BCAS3: variants seen among roughly 807,000 people sequenced by gnomAD.
The protein encoded by BCAS3 is BCAS3 microtubule associated cell migration factor.
Under a neutral mutation model 116.1 loss-of-function variants are expected in BCAS3, and 53 were observed. The ratio of observed to expected loss-of-function variants is 0.46; its 90% CI spans 0.37 to 0.57. The LOEUF is 0.57. Ranked by LOEUF, BCAS3 falls within the 20% of genes least tolerant of loss-of-function variation. The pLI, the probability that BCAS3 is intolerant of heterozygous loss-of-function variation, is 0.00. For missense variants in BCAS3, 917 were observed against 1,165.4 expected (o/e 0.79, Z 3.10); for synonymous variants, 391 against 408.2 (o/e 0.96, Z 0.51).
chr17:61,265,385 C>T lies in BCAS3; in HGVS notation c.2426-102942C>T, dbSNP rs1196964539. 1.3e-5 allele frequency among the ~76,000 whole-genome samples: 2 copies of T among 148,766 alleles called. No individual in the cohort carries two copies. The highest frequency in any genetic ancestry group is 3.0e-5 in the Non-Finnish European group (2 of 67,454). ...CACCATTGCACTCCAGCCTGGGTAA[C>T]AAGAGTGAAACTCTGTCTCAAGAAA... On this transcript the variant is annotated intron_variant, in intron 22 of 23. Coordinates refer to ENST00000407086, the MANE Select transcript of BCAS3 (RefSeq NM_017679.5). The surrounding 1 kb of genome is among the most constrained non-coding windows in gnomAD (Gnocchi z 4.3).
intron 22 of BCAS3, among the ~76,000 whole-genome samples, chr17:61,176,651 A>G (rs2079170272): frequency 6.6e-6 from 1 of 151,798 alleles, no homozygotes; most frequent in African/African-American, 2.4e-5. Context: ...TCCACCTCCT[A>G]GGCTCAAGTG....
At chr17:61,137,890 T>C (rs2076728018) in intron 22 of BCAS3, among the ~76,000 whole-genome samples, 1 of 152,238 alleles carries the variant, frequency 6.6e-6, no homozygotes, top group Admixed American at 6.5e-5. Context: ...GGTGTTTCCT[T>C]TGAGTCCACT....
Position 61,084,711 on chromosome 17 carries a change from C to G in BCAS3, c.2425+147C>G. ...TGTGCATTTTAATACAGTACTGTGC[C>G]TATATTTCTTGCTGAACAATGCCAT... is the stretch of plus-strand genomic sequence containing the variant. On this transcript the variant is annotated intron_variant, in intron 22 of 23. Coordinates refer to ENST00000407086, the MANE Select transcript of BCAS3 (RefSeq NM_017679.5). The surrounding 1 kb of genome is among the most constrained non-coding windows in gnomAD (Gnocchi z 5.5). The G allele has an allele frequency of 1.4e-6, 1 of 702,310 alleles. No homozygotes were observed. The highest frequency in any genetic ancestry group is 2.5e-6 in the Non-Finnish European group (1 of 405,638). The allele number at this position is 702,310 out of a possible 1,614,324, so 43.5% of individuals were successfully genotyped here. A position where few individuals can be genotyped will look rare whatever the true frequency, so the allele number is the denominator to read the frequency against.
intron 6 of BCAS3, among the ~76,000 whole-genome samples, chr17:60,762,934 C>G (rs111764225): frequency 0.27 from 40,650 of 150,694 alleles, 11,051 homozygotes; most frequent in African/African-American, 0.71. Context: ...TAGTTGGATT[C>G]CTAGGTATTT....
Position 60,815,333 on chromosome 17 carries a change from T to C in BCAS3, c.476+7257T>C, listed in dbSNP as rs560209504. On this transcript the variant is annotated intron_variant, in intron 7 of 23. Transcript: ENST00000407086. ...GGGAGAGGAATAGCATTAGGAGATA[T>C]ACCTAATATAAATGACGAGTTAATG... Among the ~76,000 whole-genome samples the C allele has an allele frequency of 3.1e-3, 473 of 152,048 alleles. 4 individuals are homozygous for C. The highest frequency in any genetic ancestry group is 0.031 in the Middle Eastern group (9 of 294).
chr17:61,221,526 C>A (rs1371362522), intron 22 of BCAS3, among the ~76,000 whole-genome samples: 3 of 152,164 alleles, frequency 2.0e-5, no homozygotes, highest in African/African-American at 7.2e-5. Flanking sequence ...CTGATTATCA[C>A]GATTGGAAGA....
At position 61,343,159 on chromosome 17, in the gene BCAS3, C is replaced by T. The variant is rs2057293519; in HGVS notation, c.2426-25168C>T. On this transcript the variant is annotated intron_variant, in intron 22 of 23. Transcript: ENST00000407086. The surrounding 1 kb of genome is among the most constrained non-coding windows in gnomAD (Gnocchi z 5.5). Reference sequence around the variant, plus strand: ...GGGTCAATTCGTGGAGGGGTGGCACCAAATGCCTCTATCATCCCTCTCTGC... The same window carrying T: ...GGGTCAATTCGTGGAGGGGTGGCACTAAATGCCTCTATCATCCCTCTCTGC... Among the ~76,000 whole-genome samples the T allele has an allele frequency of 6.6e-6, 1 of 152,176 alleles. No individual in the cohort carries two copies. The highest frequency in any genetic ancestry group is 2.4e-5 in the African/African-American group (1 of 41,446).
intron 14 of BCAS3, among the ~76,000 whole-genome samples, chr17:60,959,581 A>G (rs1320922558): frequency 6.6e-6 from 1 of 152,150 alleles, no homozygotes; most frequent in African/African-American, 2.4e-5. Context: ...ATAATTTTGC[A>G]TTTACTTAAA....
At chr17:60,890,859 G>C (rs950149103) in intron 10 of BCAS3, among the ~76,000 whole-genome samples, 8 of 152,100 alleles carry the variant, frequency 5.3e-5, no homozygotes, top group Non-Finnish European at 8.8e-5. Flanking sequence ...ACAAAATTAG[G>C]ATGTGGTAAG....
intron 7 of BCAS3, among the ~76,000 whole-genome samples, chr17:60,832,820 C>T (rs1358295553): frequency 6.6e-6 from 1 of 152,064 alleles, no homozygotes; most frequent in East Asian, 1.9e-4. Context: ...TATTAGTTCT[C>T]CATCTGAGAC....
At chr17:61,045,699 C>G (rs2067991722) in intron 19 of BCAS3, among the ~76,000 whole-genome samples, 3 of 141,480 alleles carry the variant, frequency 2.1e-5, no homozygotes, top group African/African-American at 7.9e-5. Context: ...ACCTGTAATT[C>G]CAGCTACTCG....
At chr17:60,886,613 A>G (rs1567791423) in intron 9 of BCAS3, 3 of 150,334 alleles carry the variant, frequency 2.0e-5, no homozygotes, top group Admixed American at 6.6e-5. Flanking sequence ...TGATGTACAG[A>G]TGGGTTTTCG....
chr17:60,891,555 G>T, intron 10 of BCAS3: 1 of 352,854 alleles, frequency 2.8e-6, no homozygotes, highest in Non-Finnish European at 5.7e-6. Context: ...TTTAGCTTTG[G>T]GGCTGAGTAT....
At chr17:60,756,309 T>C (rs2042979789) in intron 6 of BCAS3, among the ~76,000 whole-genome samples, 1 of 152,198 alleles carries the variant, frequency 6.6e-6, no homozygotes, top group African/African-American at 2.4e-5. Context: ...CTTGCTCTCC[T>C]AATGCTCACC....
At position 61,105,679 on chromosome 17, in the gene BCAS3, G is replaced by A. The variant is rs1319992876; in HGVS notation, c.2425+21115G>A. Among the ~76,000 whole-genome samples, 1 of 151,856 alleles carries A rather than the reference G, an allele frequency of 6.6e-6. No individual in the cohort carries two copies. Among genetic ancestry groups the A allele is most frequent in the East Asian group, 1.9e-4 (1 of 5,166 alleles). ...CCACCTCAGGTGATCCACCTGCCTC[G>A]GCCTCCCAAAGTGCTGGGATTACAG... On this transcript the variant is annotated intron_variant, in intron 22 of 23. Coordinates refer to ENST00000407086, the MANE Select transcript of BCAS3 (RefSeq NM_017679.5). This position sits in a 1 kb window ranked among gnomAD's most constrained non-coding sequence, Gnocchi z 4.3.
Position 61,222,501 on chromosome 17 carries a change from T to C in BCAS3, c.2425+137937T>C, listed in dbSNP as rs1016059272. Among the ~76,000 whole-genome samples the C allele has an allele frequency of 6.6e-6, 1 of 152,224 alleles. No homozygotes were observed. The highest frequency in any genetic ancestry group is 1.5e-5 in the Non-Finnish European group (1 of 68,036). The stretch of plus-strand genomic sequence containing the variant: ...CTCGTAGCATTCCTCTTTTCGCTGT[T>C]GCTCAGCGGTGTTTGCCTGAGGTAC... On this transcript the variant is annotated intron_variant, in intron 22 of 23. Transcript: ENST00000407086. This position sits in a 1 kb window ranked among gnomAD's most constrained non-coding sequence, Gnocchi z 6.1.
At chr17:60,856,341 C>T (rs189241566) in intron 7 of BCAS3, among the ~76,000 whole-genome samples, 3 of 152,114 alleles carry the variant, frequency 2.0e-5, no homozygotes, top group African/African-American at 7.2e-5. Context: ...ATATGAAAAT[C>T]CAAAAAAGTT....
intron 22 of BCAS3, among the ~76,000 whole-genome samples, chr17:61,129,740 C>T (rs1426012292): frequency 6.6e-6 from 1 of 152,222 alleles, no homozygotes; most frequent in Admixed American, 6.5e-5. Context: ...CATTGTTTGA[C>T]ACCTTTAGTT....
intron 7 of BCAS3, among the ~76,000 whole-genome samples, chr17:60,809,488 C>A (rs1181446723): frequency 6.6e-6 from 1 of 152,190 alleles, no homozygotes; most frequent in Admixed American, 6.5e-5. Context: ...CACTTTCCCT[C>A]TTCCAGGGTT....
Sources: allele counts gnomAD v4.1 joint callset (sites outside exome capture counted in the v4.1 genomes callset), GRCh38; gene constraint gnomAD v4.1.1; non-coding constraint Gnocchi (gnomAD v3.1); transcripts MANE v1.5; gene names NCBI Gene and HGNC (gene_info 2026-07-23, HGNC 2026-07-21).